Variants in MAF observed in about 807,000 individuals in gnomAD.
The protein encoded by MAF is transcription factor Maf.
Under a neutral mutation model 22.0 loss-of-function variants are expected in MAF, and 10 were observed. The observed-to-expected ratio is 0.45, with a 90% confidence interval of 0.28 to 0.77. The LOEUF is 0.77. Among genes scored for constraint, MAF ranks in the 30% least tolerant of loss-of-function variants. The pLI is 0.12. For synonymous variants in MAF, 337 were observed against 255.8 expected (o/e 1.32, Z -3.03); for missense variants, 544 against 548.4 (o/e 0.99, Z 0.08).
chr16:79,505,890 C>T, the MAF span, among the ~76,000 whole-genome samples: 1 of 151,778 alleles, frequency 6.6e-6, no homozygotes, highest in Admixed American at 6.6e-5. Context: ...TGGGACATGG[C>T]AGACAAAATC....
At chr16:79,224,104 A>G in the MAF span, among the ~76,000 whole-genome samples, 40 of 152,298 alleles carry the variant, frequency 2.6e-4, no homozygotes, top group South Asian at 8.1e-3. Flanking sequence ...TGCTGCGAAA[A>G]TCCTCAATAA....
chr16:79,393,007 T>G, the MAF span, among the ~76,000 whole-genome samples: 1 of 152,112 alleles, frequency 6.6e-6, no homozygotes, highest in Non-Finnish European at 1.5e-5. Flanking sequence ...ATTAAAAGAC[T>G]CTCTTCCAGG....
At chr16:79,381,104 C>A in the MAF span, among the ~76,000 whole-genome samples, 1 of 152,212 alleles carries the variant, frequency 6.6e-6, no homozygotes, top group Non-Finnish European at 1.5e-5. Context: ...GCACGCTAAC[C>A]TTTGCATTCA....
chr16:79,340,383 C>A, the MAF span, among the ~76,000 whole-genome samples: 1 of 151,134 alleles, frequency 6.6e-6, no homozygotes, highest in Non-Finnish European at 1.5e-5. Flanking sequence ...TTTAAAGCAC[C>A]TACTTTATTC....
At chr16:79,282,510 A>C in the MAF span, among the ~76,000 whole-genome samples, 5 of 152,304 alleles carry the variant, frequency 3.3e-5, no homozygotes, top group South Asian at 1.0e-3. Flanking sequence ...CTGAATCTTT[A>C]AGTGACAGAA....
the MAF span, among the ~76,000 whole-genome samples, chr16:79,220,241 G>C: frequency 5.0e-5 from 6 of 118,840 alleles, no homozygotes; most frequent in East Asian, 2.5e-4. Context: ...GGGCAACAGA[G>C]TGAGACTCCA....
At chr16:79,490,043 G>A in the MAF span, among the ~76,000 whole-genome samples, 1 of 152,206 alleles carries the variant, frequency 6.6e-6, no homozygotes, top group Non-Finnish European at 1.5e-5. Context: ...AGTTGGTTTG[G>A]AACGGGTGTG....
chr16:79,242,599 A>G, the MAF span, among the ~76,000 whole-genome samples: 4 of 151,962 alleles, frequency 2.6e-5, no homozygotes, highest in Admixed American at 2.6e-4. Flanking sequence ...CCACACACTA[A>G]TAGTGGGAGA....
the MAF span, among the ~76,000 whole-genome samples, chr16:79,361,462 A>G: frequency 1.3e-5 from 2 of 152,188 alleles, no homozygotes; most frequent in African/African-American, 4.8e-5. Context: ...TTGATTAGTA[A>G]TAAGAACATA....
At chr16:79,231,452 T>C in the MAF span, among the ~76,000 whole-genome samples, 14 of 152,182 alleles carry the variant, frequency 9.2e-5, no homozygotes, top group African/African-American at 2.4e-4. Context: ...AAACCATCTA[T>C]TGAATGGAAC....
the MAF span, among the ~76,000 whole-genome samples, chr16:79,334,568 C>T: frequency 1.3e-5 from 2 of 152,030 alleles, no homozygotes; most frequent in Non-Finnish European, 2.9e-5. Context: ...TTGCAAGACC[C>T]AATGCAAAAT....
In MAF at chr16:79,594,522, C is replaced by G. The variant is rs142230647; in HGVS notation, c.1150G>C (p.Val384Leu). ...TEPTRKLEPS[V>L]GYATFWKPQH... ...GGCTTCCAAAATGTGGCGTATCCCACTGATGGCTCCAACTTGCGAGTGGGC... is the reference window on the plus strand; with the variant it reads ...GGCTTCCAAAATGTGGCGTATCCCAGTGATGGCTCCAACTTGCGAGTGGGC... The change falls in exon 2 of 2, where the codon GTG becomes CTG. Residue 384 changes from valine to leucine, a missense_variant. Coordinates refer to ENST00000326043, the MANE Select transcript of MAF (RefSeq NM_005360.5). 4 of 1,565,458 alleles carry G rather than the reference C, an allele frequency of 2.6e-6. No individual in the cohort carries two copies. In the African/African-American group the frequency reaches 4.1e-5, roughly 16 times the overall value.
chr16:79,404,057 T>G, the MAF span, among the ~76,000 whole-genome samples: 5 of 152,162 alleles, frequency 3.3e-5, no homozygotes, highest in African/African-American at 1.2e-4. Flanking sequence ...GAAGAAACCC[T>G]GTGAAACACT....
downstream of MAF, among the ~76,000 whole-genome samples, chr16:79,582,378 G>C: frequency 6.6e-6 from 1 of 152,212 alleles, no homozygotes; most frequent in East Asian, 1.9e-4. Context: ...AATGAGTGCT[G>C]CACTTTTGCA....
rs994622413 is a variant in MAF at position 79,597,912 on chromosome 16, GT to G, written c.1118+872del. 8.7e-6 allele frequency: 9 copies of G among 1,037,448 alleles called. No individual in the cohort carries two copies. In the East Asian group the frequency reaches 3.5e-4, roughly 41 times the overall value. 64.3% of individuals were successfully genotyped at this position (1,037,448 alleles called of 1,614,324 possible). A position where few individuals can be genotyped will look rare whatever the true frequency, so the allele number is the denominator to read the frequency against. Reference sequence around the variant, plus strand: ...ATAATAATGCATGAGATGAGAATGAGTTTTTTTAATGGCAGACTAAACTCTC... The same window carrying G: ...ATAATAATGCATGAGATGAGAATGAGTTTTTTAATGGCAGACTAAACTCTC... On this transcript the variant is annotated intron_variant, in intron 1 of 1. Transcript: ENST00000326043.
the MAF span, among the ~76,000 whole-genome samples, chr16:79,293,956 C>G: frequency 6.6e-6 from 1 of 152,134 alleles, no homozygotes; most frequent in Non-Finnish European, 1.5e-5. Flanking sequence ...TGGTAGGTTA[C>G]TGCCTGGATG....
At chr16:79,228,859 G>A in the MAF span, among the ~76,000 whole-genome samples, 1 of 151,830 alleles carries the variant, frequency 6.6e-6, no homozygotes, top group Non-Finnish European at 1.5e-5. Context: ...AGAATGGGAG[G>A]ATCATGTACA....
chr16:79,396,127 G>C, the MAF span, among the ~76,000 whole-genome samples: 736 of 152,272 alleles, frequency 4.8e-3, 2 homozygotes, highest in Middle Eastern at 0.017. Flanking sequence ...CACAATCTGA[G>C]AGCTTGGGCT....
At chr16:79,515,030 T>C in the MAF span, among the ~76,000 whole-genome samples, 1 of 152,166 alleles carries the variant, frequency 6.6e-6, no homozygotes, top group South Asian at 2.1e-4. Flanking sequence ...TGACAAAGAC[T>C]TCATCTCTTC....
Sources: gnomAD v4.1 joint callset for allele counts (sites outside exome capture counted in the v4.1 genomes callset) on GRCh38, gnomAD v4.1.1 for gene constraint, MANE v1.5 for transcripts, NCBI Gene and HGNC (gene_info 2026-07-23, HGNC 2026-07-21) for gene names.